Variants in CEP72 observed in about 807,000 individuals in gnomAD.
CEP72 encodes centrosomal protein 72, also known as centrosomal protein of 72 kDa.
A neutral mutation model predicts 65.7 loss-of-function variants in CEP72; 78 were observed. The observed-to-expected ratio is 1.19, with a 90% CI of 0.99 to 1.43. The LOEUF (loss-of-function observed/expected upper bound fraction) is 1.43, where lower values mean the gene tolerates loss of function less well. CEP72 is among the 40% of genes most tolerant of loss of function. CEP72 has a pLI of 0.00. For missense variants in CEP72, 914 were observed against 832.9 expected (o/e 1.10, Z -1.20); for synonymous variants, 358 against 351.7 (o/e 1.02, Z -0.20).
intron 1 of CEP72, among the ~76,000 whole-genome samples, chr5:615,959 T>A (rs777024294): frequency 6.6e-6 from 1 of 152,244 alleles, no homozygotes; most frequent in Non-Finnish European, 1.5e-5. Context: ...TAGGTCTCTA[T>A]CCTCTCCCCT....
chr5:633,156 G>A (rs1445493442), intron 4 of CEP72, among the ~76,000 whole-genome samples: 2 of 87,500 alleles, frequency 2.3e-5, no homozygotes, highest in African/African-American at 1.4e-4. Context: ...GTCCAGTGCC[G>A]GGATTTGGCC....
downstream of CEP72, chr5:661,408 T>A (rs1192460729): frequency 6.6e-6 from 1 of 152,032 alleles, no homozygotes; most frequent in African/African-American, 2.4e-5. Context: ...AACCTGTCCC[T>A]GTGTCCTGGT....
In CEP72 at chr5:623,828, C is replaced by T. The variant is rs1012247507; in HGVS notation, c.404-643C>T. On this transcript the variant is annotated intron_variant, in intron 3 of 11. Coordinates refer to ENST00000264935, the MANE Select transcript of CEP72 (RefSeq NM_018140.4). This position sits in a 1 kb window ranked among gnomAD's most constrained non-coding sequence, Gnocchi z 5.3. ...GAACATTATATTATGCTATTACTCA[C>T]TCATTTCTTACAGTGATTCTGTAGT... Among the ~76,000 whole-genome samples, 2 of 152,162 alleles carry T rather than the reference C, an allele frequency of 1.3e-5. No homozygotes were observed. The highest frequency in any genetic ancestry group is 2.9e-5 in the Non-Finnish European group (2 of 68,038).
chr5:642,083 C>G, intron 9 of CEP72: 1 of 983,584 alleles, frequency 1.0e-6, no homozygotes, highest in Non-Finnish European at 1.2e-6. Context: ...CACGTGGTCC[C>G]CCGTCCAGAA....
chr5:642,678 A>C, intron 9 of CEP72: 1 of 985,308 alleles, frequency 1.0e-6, no homozygotes, highest in South Asian at 4.7e-5. Flanking sequence ...GCCTCTGGAC[A>C]GAGCAGCCCT....
At chr5:666,465 C>T (rs968604500) in intron 4 of CEP72, among the ~76,000 whole-genome samples, 1 of 152,342 alleles carries the variant, frequency 6.6e-6, no homozygotes, top group African/African-American at 2.4e-5. Context: ...GCGCCGGGAG[C>T]TGGGGGTCCT....
chr5:627,080 T>A (rs1198809239), intron 4 of CEP72, among the ~76,000 whole-genome samples: 1 of 152,354 alleles, frequency 6.6e-6, no homozygotes, highest in South Asian at 2.1e-4. Flanking sequence ...GCAGATACTG[T>A]AGAGATTTGA....
rs575101316 is a variant in CEP72, at chr5:628,291, A to G, written c.512+3712A>G. Among the ~76,000 whole-genome samples the G allele has an allele frequency of 4.6e-5, 7 of 152,356 alleles. No individual in the cohort carries two copies. In the South Asian group the frequency reaches 1.5e-3, roughly 32 times the overall value. ...ATGAGAGTGGAAGATGACGTGGGTC[A>G]ATGTCCATACCGCACAGAGGAGGTG... On this transcript the variant is annotated intron_variant, in intron 4 of 11. Coordinates refer to ENST00000264935, the MANE Select transcript of CEP72 (RefSeq NM_018140.4).
Position 640,551 on chromosome 5 carries a change from G to A in CEP72, c.1486G>A (p.Ala496Thr), listed in dbSNP as rs1357013178. 3.1e-6 allele frequency: 5 copies of A among 1,613,938 alleles called. No individual in the cohort carries two copies. The highest frequency in any genetic ancestry group is 2.2e-5 in the East Asian group (1 of 44,890). The stretch of plus-strand genomic sequence containing the variant: ...CCTTGCTGAGCAGCAGCAGCAGCAC[G>A]CCCGGGAGATGAGCGAGGTGACGGC... Reference protein sequence around the residue: ...SRLAEQQQQHAREMSEVTAEL... With the variant: ...SRLAEQQQQHTREMSEVTAEL... The change falls in exon 9 of 12, where the codon GCC becomes ACC. Residue 496 changes from alanine (A) to threonine (T), a missense_variant. Coordinates refer to ENST00000264935, the MANE Select transcript of CEP72 (RefSeq NM_018140.4).
At chr5:667,355 A>G (rs1243541524), downstream of CEP72, among the ~76,000 whole-genome samples, 2 of 152,210 alleles carry the variant, frequency 1.3e-5, no homozygotes, top group African/African-American at 4.8e-5. Flanking sequence ...AGCTGGAGCA[A>G]CTGGTGATCC....
the CEP72 span, chr5:675,768 G>T: frequency 6.6e-6 from 1 of 152,522 alleles, no homozygotes; most frequent in Non-Finnish European, 1.5e-5. Flanking sequence ...CTGGGTTAGT[G>T]TGGGCTCCAA....
intron 1 of CEP72, 90 bp downstream of exon 1, chr5:612,533 C>G: frequency 7.7e-7 from 1 of 1,301,020 alleles, no homozygotes; most frequent in Non-Finnish European, 9.7e-7. Flanking sequence ...CGTGGGCAGG[C>G]GGGACCCGTC....
At chr5:668,578 A>G (rs1561082413), downstream of CEP72, among the ~76,000 whole-genome samples, 1 of 152,230 alleles carries the variant, frequency 6.6e-6, no homozygotes, top group African/African-American at 2.4e-5. Context: ...CGAGCTGAGC[A>G]GGCCGCGGGG....
At position 648,714 on chromosome 5, in the gene CEP72, CTG is replaced by C. The variant is rs1164149216; in HGVS notation, c.1778+801_1778+802del. Among the ~76,000 whole-genome samples, 16 of 64,218 alleles carry C rather than the reference CTG, an allele frequency of 2.5e-4. 2 individuals carry two copies. The highest frequency in any genetic ancestry group is 7.5e-4 in the African/African-American group (13 of 17,340). The allele number at this position is 64,218 out of a possible 152,430, so 42.1% of individuals were successfully genotyped here. ...TGTGAGGCGTGAATGTGAGGCGTGA[CTG>C]TGAGGCGTGACTGTGAGGCATGACT... On this transcript the variant is annotated intron_variant, in intron 11 of 11. Transcript: ENST00000264935.
At chr5:618,831 C>T (rs1736162531) in intron 1 of CEP72, among the ~76,000 whole-genome samples, 159 bp from the exon 2 acceptor site, 1 of 152,094 alleles carries the variant, frequency 6.6e-6, no homozygotes, top group Admixed American at 6.6e-5. Context: ...CAAGGAAGGG[C>T]ACAGATGGCC....
rs969224122 is a variant in CEP72, at chr5:620,276, G to A, written c.403+15G>A. 8.1e-6 allele frequency: 13 copies of A among 1,607,168 alleles called. No individual in the cohort carries two copies. The highest frequency in any genetic ancestry group is 1.1e-5 in the Non-Finnish European group (13 of 1,174,078). On this transcript the variant is annotated intron_variant, in intron 3 of 11. Transcript: ENST00000264935. ...CCAGCAGCTGGGTAGGCATCAGGCA[G>A]GGCCACGCTCATGCTTTTGTCCCCG...
In CEP72 at chr5:637,502, C is replaced by A. The variant is rs750192891; in HGVS notation, c.905-15C>A. On this transcript the variant is annotated splice_polypyrimidine_tract_variant and intron_variant, in intron 6 of 11. Coordinates refer to ENST00000264935, the MANE Select transcript of CEP72 (RefSeq NM_018140.4). Reference sequence around the variant, plus strand: ...AATTTGGCCTGACGTGCGCCCCATCCTCTCTATATCTCAGACTCCATGGAT... The same window carrying A: ...AATTTGGCCTGACGTGCGCCCCATCATCTCTATATCTCAGACTCCATGGAT... 1 of 1,602,102 alleles carries A rather than the reference C, an allele frequency of 6.2e-7. No individual in the cohort carries two copies.
Position 666,129 on chromosome 5 carries a change from G to GGGGCACAGGCGATTTA in CEP72, n.592+42_592+43insTTTAGGGCACAGGCGA, listed in dbSNP as rs1554021109. 10 of 1,606,698 alleles carry GGGGCACAGGCGATTTA rather than the reference G, an allele frequency of 6.2e-6. No individual in the cohort carries two copies. In the African/African-American group the frequency reaches 1.3e-4, roughly 22 times the overall value. On this transcript the variant is annotated intron_variant and non_coding_transcript_variant, in intron 4 of 4. Transcript: ENST00000514507. The stretch of plus-strand genomic sequence containing the variant: ...TGGTCCGGCAAGACTTCCCTCTACA[G>GGGGCACAGGCGATTTA]GGGCACAGGCGACTTAGGGCTGGGC...
rs1417489824 is a variant in CEP72 at position 633,857 on chromosome 5, A to T, written c.601A>T (p.Ile201Phe). The change falls in exon 5 of 12, where the codon ATT becomes TTT. Residue 201 changes from isoleucine to phenylalanine, a missense_variant. By Grantham distance (21) the Ile-to-Phe change is conservative (BLOSUM62 0). Transcript: ENST00000264935. ...DADDEAVLNL[I>F]AECEWDLGRP... ...GGATGACGAGGCAGTCCTGAACCTC[A>T]TTGCAGAGTGCGAGTGGGACCTCGG... 6.2e-7 allele frequency: 1 copy of T among 1,613,940 alleles called. No individual in the cohort carries two copies. The highest frequency in any genetic ancestry group is 8.5e-7 in the Non-Finnish European group (1 of 1,180,044).
Sources: allele counts gnomAD v4.1 joint callset (sites outside exome capture counted in the v4.1 genomes callset), GRCh38; gene constraint gnomAD v4.1.1; non-coding constraint Gnocchi (gnomAD v3.1); transcripts MANE v1.5; gene names NCBI Gene and HGNC (gene_info 2026-07-23, HGNC 2026-07-21).